Variants in FBXO43 observed in about 807,000 individuals in gnomAD.
FBXO43 encodes F-box protein 43.
FBXO43 carries 22 observed loss-of-function variants against 56.7 expected under a neutral mutation model. The ratio of observed to expected loss-of-function variants is 0.39; its 90% CI spans 0.28 to 0.55. FBXO43 has a LOEUF of 0.55. Ranked by LOEUF, FBXO43 falls within the 20% of genes least tolerant of loss-of-function variation. The probability of loss-of-function intolerance (pLI) is 0.66; values close to 1 mark genes in which losing one functional copy is unlikely to be tolerated. For synonymous variants in FBXO43, 306 were observed against 294.5 expected, an observed-to-expected ratio of 1.04 and a Z score of -0.40; for missense variants, 733 against 814.9, an observed-to-expected ratio of 0.90 and a Z score of 1.22.
rs1322788469 is a variant in FBXO43, at chr8:100,137,732, GCTAA to G, written c.1572-69_1572-66del. 2.3e-5 allele frequency: 26 copies of G among 1,150,644 alleles called. No individual in the cohort carries two copies. The African/African-American group carries it at 2.6e-4, about 11-fold the overall frequency. 71.3% of individuals were successfully genotyped at this position (1,150,644 alleles called of 1,614,324 possible). A position where few individuals can be genotyped will look rare whatever the true frequency, so the allele number is the denominator to read the frequency against. On this transcript the variant is annotated intron_variant, in intron 2 of 4. Coordinates refer to ENST00000428847, the MANE Select transcript of FBXO43 (RefSeq NM_001029860.4). ...ATAGGATTAACATTTTGTTGTATAC[GCTAA>G]CTAATGAGAAAAATTTGTTTTAAAG...
intron 1 of FBXO43, among the ~76,000 whole-genome samples, chr8:100,144,656 G>A (rs1353603673): frequency 6.6e-6 from 1 of 150,936 alleles, no homozygotes; most frequent in Non-Finnish European, 1.5e-5. Flanking sequence ...CAGCGGCCGG[G>A]CGCGGTGGCT....
chr8:100,145,358 A>C lies in FBXO43; in HGVS notation c.-223T>G, dbSNP rs1586356090. ...TCTCCAGCTGGACTTAGACATGAGT[A>C]AACTTCCCAAATTCGGGTTCCTGAA... is the stretch of plus-strand genomic sequence containing the variant. On this transcript the variant is annotated 5_prime_UTR_variant, in exon 1 of 5. Transcript: ENST00000428847. 1 of 397,894 alleles carries C rather than the reference A, an allele frequency of 2.5e-6. No individual in the cohort carries two copies. 24.6% of individuals were successfully genotyped at this position (397,894 alleles called of 1,614,324 possible).
At chr8:100,142,245 A>G in intron 1 of FBXO43, 77 bp from the exon 2 acceptor site, 1 of 1,294,284 alleles carries the variant, frequency 7.7e-7, no homozygotes, top group South Asian at 1.9e-5. Flanking sequence ...ATTATTTGTT[A>G]TGAGTACAGA....
rs1814790441 is a variant in FBXO43, at chr8:100,145,153, T to G, written c.-18A>C. The G allele has an allele frequency of 6.3e-7, 1 of 1,596,398 alleles. No individual in the cohort carries two copies. Among genetic ancestry groups the G allele is most frequent in the African/African-American group, 1.4e-5 (1 of 74,014 alleles). ...AAACTCATGCCAAAATAATGCCACTTAAAGAGGAAAACTTTAGTTTGCACA... is the reference window on the plus strand; with the variant it reads ...AAACTCATGCCAAAATAATGCCACTGAAAGAGGAAAACTTTAGTTTGCACA... On this transcript the variant is annotated 5_prime_UTR_variant, in exon 1 of 5. Coordinates refer to ENST00000428847, the MANE Select transcript of FBXO43 (RefSeq NM_001029860.4).
intron 2 of FBXO43, among the ~76,000 whole-genome samples, 186 bp downstream of exon 2, chr8:100,140,497 A>C (rs1215411774): frequency 2.0e-5 from 3 of 152,056 alleles, no homozygotes; most frequent in Non-Finnish European, 4.4e-5. Flanking sequence ...AAAACAAAAC[A>C]AAACAAAAAA....
chr8:100,146,479 G>T (rs1038732240), upstream of FBXO43, among the ~76,000 whole-genome samples: 6 of 152,170 alleles, frequency 3.9e-5, no homozygotes, highest in African/African-American at 1.4e-4. Flanking sequence ...AGAGTGAAAT[G>T]TGTTCATTGT....
Position 100,141,742 on chromosome 8 carries a change from G to A in FBXO43, c.512C>T (p.Ser171Leu), listed in dbSNP as rs191563048. The A allele has an allele frequency of 6.3e-7, 1 of 1,595,610 alleles. No homozygotes were observed. Among genetic ancestry groups the A allele is most frequent in the African/African-American group, 1.3e-5 (1 of 74,106 alleles). ...SFALLKGDFE[S>L]QNSSLESSIS... ...ACTACTTTCTAAAGAACTATTTTGT[G>A]ATTCAAAGTCCCCTTTTAGAAGAGC... Residue 171 changes from serine to leucine, a missense_variant, in exon 2 of 5, where the codon TCA becomes TTA. Ser to Leu is a moderately radical substitution (Grantham distance 145). Coordinates refer to ENST00000428847, the MANE Select transcript of FBXO43 (RefSeq NM_001029860.4).
upstream of FBXO43, among the ~76,000 whole-genome samples, chr8:100,150,225 C>A (rs1391400704): frequency 1.3e-5 from 2 of 152,134 alleles, no homozygotes; most frequent in African/African-American, 4.8e-5. Flanking sequence ...GTACAGATAT[C>A]AAACAATTTT....
chr8:100,146,143 T>C (rs1814827347), upstream of FBXO43, among the ~76,000 whole-genome samples: 4 of 152,240 alleles, frequency 2.6e-5, no homozygotes, highest in South Asian at 8.3e-4. Context: ...AAAAAGCAAG[T>C]TACAAACTGA....
chr8:100,135,031 T>C (rs573455649), intron 3 of FBXO43, among the ~76,000 whole-genome samples: 9 of 151,876 alleles, frequency 5.9e-5, no homozygotes, highest in African/African-American at 2.2e-4. Flanking sequence ...TAAGCAAAAA[T>C]AAATAAATAA....
intron 1 of FBXO43, among the ~76,000 whole-genome samples, chr8:100,143,143 C>G (rs1193062237): frequency 1.3e-5 from 2 of 152,124 alleles, no homozygotes; most frequent in African/African-American, 4.8e-5. Flanking sequence ...TCAAAGCTAA[C>G]AAATTTGTTT....
At chr8:100,136,985 A>G (rs1814486988) in intron 3 of FBXO43, 1 of 152,306 alleles carries the variant, frequency 6.6e-6, no homozygotes, top group Non-Finnish European at 1.5e-5. Context: ...AGGATCCAGC[A>G]TATCATTGGT....
intron 1 of FBXO43, among the ~76,000 whole-genome samples, chr8:100,144,537 G>T (rs1814758244): frequency 6.6e-6 from 1 of 150,890 alleles, no homozygotes; most frequent in Admixed American, 6.6e-5. Context: ...ACAGTTCACG[G>T]ATAAATCAAT....
At position 100,140,962 on chromosome 8, in the gene FBXO43, G is replaced by A. The variant is rs748047917; in HGVS notation, c.1292C>T (p.Thr431Ile). ...CTTTGATAAATTCTTTAAGCTAAAG[G>A]TCAAATCCCCACTCTCATCACTACT... ...QLSSDESGDL[T>I]FSLKNLSKTP... The change falls in exon 2 of 5, where the codon ACC becomes ATC. Residue 431 changes from threonine (T) to isoleucine (I), a missense_variant. Transcript: ENST00000428847. The A allele has an allele frequency of 1.9e-6, 3 of 1,614,178 alleles. No homozygotes were observed. The highest frequency in any genetic ancestry group is 2.5e-6 in the Non-Finnish European group (3 of 1,180,034).
rs374396502 is a variant in FBXO43 at position 100,141,733 on chromosome 8, C to G, written c.521G>C (p.Ser174Thr). The G allele has an allele frequency of 5.3e-5, 84 of 1,598,058 alleles. No homozygotes were observed. Among genetic ancestry groups the G allele is most frequent in the Middle Eastern group, 1.7e-4 (1 of 6,014 alleles). ...TTGGCTTATACTACTTTCTAAAGAA[C>G]TATTTTGTGATTCAAAGTCCCCTTT... ...LLKGDFESQN[S>T]SLESSISQVI... The change falls in exon 2 of 5, where the codon AGT (serine) becomes ACT (threonine). Residue 174 changes from serine (S) to threonine (T), a missense_variant. Ser to Thr is a moderately conservative substitution (Grantham distance 58, BLOSUM62 1). Transcript: ENST00000428847.
intron 2 of FBXO43, among the ~76,000 whole-genome samples, chr8:100,140,257 T>C (rs561974410): frequency 1.5e-4 from 23 of 152,268 alleles, no homozygotes; most frequent in Admixed American, 3.3e-4. Context: ...GATCTTGAGG[T>C]CAGGAGATCA....
rs1187996950 is a variant in FBXO43 at position 100,145,057 on chromosome 8, T to C, written c.79A>G (p.Thr27Ala). Residue 27 changes from threonine (T) to alanine (A), a missense_variant, in exon 1 of 5, where the codon ACT (threonine) becomes GCT (alanine). Coordinates refer to ENST00000428847, the MANE Select transcript of FBXO43 (RefSeq NM_001029860.4). ...VTLTSKSSRF[T>A]DETEILKMSQ... is the part of the protein sequence containing the mutation. ...TTAAAGTGGAAACTCTTACCATCAGTAAATCTTGAGCTCTTAGATGTCAAA... is the reference window on the plus strand; with the variant it reads ...TTAAAGTGGAAACTCTTACCATCAGCAAATCTTGAGCTCTTAGATGTCAAA... 1 of 1,610,960 alleles carries C rather than the reference T, an allele frequency of 6.2e-7. No homozygotes were observed. The highest frequency in any genetic ancestry group is 1.7e-5 in the Admixed American group (1 of 59,760).
rs749425504 is a variant in FBXO43, at chr8:100,141,834, T to C, written c.420A>G (p.Glu140=). 1.6e-5 allele frequency: 25 copies of C among 1,588,834 alleles called. 1 individual carries two copies. The Middle Eastern group carries it at 2.9e-3, about 182-fold the overall frequency. ...LPRKEKDKTP[E]LCETPKISGK... ...CACTGATTTTAGGTGTTTCACAAAG[T>C]TCTGGGGTTTTATCCTTTTCCTTTC... The change falls in exon 2 of 5, where the codon GAA becomes GAG. Residue 140 remains glutamate (E), a synonymous_variant. Transcript: ENST00000428847.
rs1814662492 is a variant in FBXO43, at chr8:100,141,783, C to T, written c.471G>A (p.Arg157=). 5 of 1,586,738 alleles carry T rather than the reference C, an allele frequency of 3.2e-6. No individual in the cohort carries two copies. The highest frequency in any genetic ancestry group is 4.3e-6 in the Non-Finnish European group (5 of 1,168,450). The change falls in exon 2 of 5, where the codon AGG becomes AGA. Residue 157 remains arginine (R), a synonymous_variant. Transcript: ENST00000428847. ...ISGKKCLPRR[R]LNVSFALLKG... is the part of the protein sequence containing the mutation. ...TTAGAAGAGCGAAAGATACATTCAACCTTCTGCGAGGTAAACATTTTTTCC... is the reference window on the plus strand; with the variant it reads ...TTAGAAGAGCGAAAGATACATTCAATCTTCTGCGAGGTAAACATTTTTTCC...
Sources: allele counts gnomAD v4.1 joint callset (sites outside exome capture counted in the v4.1 genomes callset), GRCh38; gene constraint gnomAD v4.1.1; transcripts MANE v1.5; gene names NCBI Gene and HGNC (gene_info 2026-07-23, HGNC 2026-07-21).